The following SCUBE1 variants were observed in gnomAD, a reference collection of about 807,000 sequenced individuals.
SCUBE1 encodes the protein signal peptide, CUB and EGF-like domain-containing protein 1.
Under a neutral mutation model 124.4 loss-of-function variants are expected in SCUBE1, and 59 were observed. That is an observed-to-expected ratio of 0.47 (90% CI 0.38 to 0.59). The LOEUF (loss-of-function observed/expected upper bound fraction) is 0.59. Ranked by LOEUF, SCUBE1 falls within the 20% of genes least tolerant of loss-of-function variation. SCUBE1 has a pLI of 0.00. For synonymous variants in SCUBE1, 545 were observed against 550.9 expected, an observed-to-expected ratio of 0.99 and a Z score of 0.15; for missense variants, 1,150 against 1,371.2, an observed-to-expected ratio of 0.84 and a Z score of 2.55.
chr22:43,270,152 T>C (rs888028330), intron 4 of SCUBE1: 3 of 152,216 alleles, frequency 2.0e-5, no homozygotes, highest in African/African-American at 2.4e-5. Flanking sequence ...AAACTTTGTT[T>C]TATGCACAAA....
chr22:43,227,623 G>A (rs1257273561), intron 9 of SCUBE1, 127 bp from the exon 10 acceptor site: 1 of 1,195,826 alleles, frequency 8.4e-7, no homozygotes, highest in Non-Finnish European at 1.2e-6. Flanking sequence ...ATCACGGGAT[G>A]CAGATGAGCA....
chr22:43,238,319 C>G (rs1045164432), intron 7 of SCUBE1: 1 of 194,248 alleles, frequency 5.1e-6, no homozygotes, highest in Non-Finnish European at 1.0e-5. Context: ...ATGGGATCCC[C>G]CTAGCCTCGC....
intron 8 of SCUBE1, among the ~76,000 whole-genome samples, chr22:43,230,738 G>A (rs566188296): frequency 6.8e-4 from 103 of 152,318 alleles, no homozygotes; most frequent in Non-Finnish European, 1.2e-3. Flanking sequence ...GGAAGGCAGC[G>A]GCTGGCCTGG....
intron 6 of SCUBE1, among the ~76,000 whole-genome samples, chr22:43,250,739 C>T (rs558005739): frequency 8.5e-5 from 13 of 152,294 alleles, no homozygotes; most frequent in Admixed American, 3.3e-4. Flanking sequence ...GGCTGAGGGC[C>T]GACTCAGATT....
chr22:43,207,005 G>A (rs1274245202), intron 21 of SCUBE1, among the ~76,000 whole-genome samples: 1 of 152,174 alleles, frequency 6.6e-6, no homozygotes, highest in Non-Finnish European at 1.5e-5. Context: ...TCCACACCCC[G>A]GGGCTCCTGG....
At chr22:43,328,642 T>C (rs1343114979) in intron 2 of SCUBE1, among the ~76,000 whole-genome samples, 1 of 152,160 alleles carries the variant, frequency 6.6e-6, no homozygotes, top group Non-Finnish European at 1.5e-5. Context: ...CTCATGGCAA[T>C]TTGAACTCAA....
At chr22:43,289,602 C>A (rs1925278624) in intron 4 of SCUBE1, among the ~76,000 whole-genome samples, 4 of 152,238 alleles carry the variant, frequency 2.6e-5, no homozygotes, top group Admixed American at 2.6e-4. Flanking sequence ...TTCTCAGGAA[C>A]TGTTTTCTAA....
chr22:43,301,683 C>T (rs534653211), intron 3 of SCUBE1, among the ~76,000 whole-genome samples: 26 of 152,340 alleles, frequency 1.7e-4, no homozygotes, highest in Admixed American at 3.9e-4. Flanking sequence ...TGGAATCTTC[C>T]TTGTGACTGT....
chr22:43,243,740 G>T (rs1044670826), intron 6 of SCUBE1, among the ~76,000 whole-genome samples: 2 of 152,228 alleles, frequency 1.3e-5, no homozygotes, highest in African/African-American at 4.8e-5. Context: ...CTCAAAGTCA[G>T]CTTCTGGATG....
Position 43,223,145 on chromosome 22 carries a change from C to T in SCUBE1, c.1279G>A (p.Val427Met), listed in dbSNP as rs1177817979. ...GGGCAGGAAAGGAAGCAGCTCTCCA[C>T]ACCGCCTGCCTTGCTGCAGGACAGC... The part of the protein sequence containing the change: ...AQLSCSKAGG[V>M]ESCFLSCPAH... Residue 427 changes from valine (V) to methionine (M), a missense_variant, in exon 11 of 22, where the codon GTG becomes ATG. Physicochemically the swap from Val to Met is conservative, Grantham distance 21. Around this residue, in one of 3 missense-constraint regions of SCUBE1, gnomAD observed 757 missense variants for 840.9 expected, o/e 0.90. Coordinates refer to ENST00000360835, the MANE Select transcript of SCUBE1 (RefSeq NM_173050.5). The T allele has an allele frequency of 1.3e-6, 2 of 1,560,034 alleles. No individual in the cohort carries two copies. The highest frequency in any genetic ancestry group is 1.4e-5 in the African/African-American group (1 of 71,406).
At position 43,210,641 on chromosome 22, in the gene SCUBE1, G is replaced by A. The variant is rs1444467327; in HGVS notation, c.2383+281C>T. On this transcript the variant is annotated intron_variant, in intron 18 of 21. Coordinates refer to ENST00000360835, the MANE Select transcript of SCUBE1 (RefSeq NM_173050.5). The surrounding 1 kb of genome is among the most constrained non-coding windows in gnomAD (Gnocchi z 4.5). ...CAGCAGACCCAGAAACTAGAGCAGGGCCTGGCCCAGGGCAGAGGCTTGGGC... is the reference window on the plus strand; with the variant it reads ...CAGCAGACCCAGAAACTAGAGCAGGACCTGGCCCAGGGCAGAGGCTTGGGC... Among the ~76,000 whole-genome samples, 1 of 152,242 alleles carries A rather than the reference G, an allele frequency of 6.6e-6. No homozygotes were observed. The highest frequency in any genetic ancestry group is 1.5e-5 in the Non-Finnish European group (1 of 68,032).
Position 43,255,247 on chromosome 22 carries a change from C to A in SCUBE1, c.727+2972G>T, listed in dbSNP as rs961453768. On this transcript the variant is annotated intron_variant, in intron 6 of 21. Coordinates refer to ENST00000360835, the MANE Select transcript of SCUBE1 (RefSeq NM_173050.5). This position sits in a 1 kb window ranked among gnomAD's most constrained non-coding sequence, Gnocchi z 4.7. Reference sequence around the variant, plus strand: ...AAATGTGTTTGATGGAGGGTAAAAACTTTAAAAAGGAAAAAGTGAGTTCAC... The same window carrying A: ...AAATGTGTTTGATGGAGGGTAAAAAATTTAAAAAGGAAAAAGTGAGTTCAC... 1.3e-5 allele frequency among the ~76,000 whole-genome samples: 2 copies of A among 152,158 alleles called. No individual in the cohort carries two copies. The highest frequency in any genetic ancestry group is 4.8e-5 in the African/African-American group (2 of 41,436).
chr22:43,311,583 G>A (rs918686134), intron 3 of SCUBE1, among the ~76,000 whole-genome samples: 5 of 148,602 alleles, frequency 3.4e-5, no homozygotes, highest in Non-Finnish European at 7.4e-5. Flanking sequence ...ACCAAATCTG[G>A]CTATTTTTTT....
chr22:43,259,899 G>A (rs2146708871), intron 5 of SCUBE1, among the ~76,000 whole-genome samples: 1 of 152,312 alleles, frequency 6.6e-6, no homozygotes, highest in African/African-American at 2.4e-5. Context: ...CCTCAGGAGT[G>A]ACTCTTCTCC....
At chr22:43,228,996 G>A (rs1922440244) in intron 9 of SCUBE1, 76 bp downstream of exon 9, 6 of 1,032,058 alleles carry the variant, frequency 5.8e-6, no homozygotes, top group Middle Eastern at 2.8e-4. Flanking sequence ...GTTGGGATGC[G>A]GGGTGCAGTG....
chr22:43,209,015 GGAA>G (rs1284985069), intron 19 of SCUBE1, among the ~76,000 whole-genome samples: 1 of 152,160 alleles, frequency 6.6e-6, no homozygotes, highest in Non-Finnish European at 1.5e-5. Context: ...TGGGGGCAGG[GGAA>G]CGGGTGAGGG....
intron 4 of SCUBE1, among the ~76,000 whole-genome samples, chr22:43,265,170 T>C (rs1397072279): frequency 6.6e-6 from 1 of 152,210 alleles, no homozygotes; most frequent in African/African-American, 2.4e-5. Context: ...CCCTGGGTAA[T>C]GGAATATTAA....
intron 7 of SCUBE1, among the ~76,000 whole-genome samples, chr22:43,235,828 G>A (rs553339276): frequency 2.0e-4 from 30 of 152,144 alleles, no homozygotes; most frequent in African/African-American, 4.1e-4. Context: ...TGGAGGGACC[G>A]ATTAGCAAGA....
chr22:43,262,605 C>T, intron 5 of SCUBE1, 115 bp downstream of exon 5: 9 of 1,259,270 alleles, frequency 7.1e-6, no homozygotes, highest in Non-Finnish European at 9.0e-6. Flanking sequence ...CTTCTCTCCA[C>T]CCCATGGGGC....
Sources: gnomAD v4.1 joint callset for allele counts (sites outside exome capture counted in the v4.1 genomes callset) on GRCh38, gnomAD v4.1.1 for gene constraint, gnomAD v4.1.1 regional missense constraint, Gnocchi (gnomAD v3.1) non-coding constraint, MANE v1.5 for transcripts, NCBI Gene and HGNC (gene_info 2026-07-23, HGNC 2026-07-21) for gene names.